The following MUSK variants were observed in gnomAD, a reference collection of about 807,000 sequenced individuals.
The protein encoded by MUSK is muscle associated receptor tyrosine kinase.
In MUSK, 55 loss-of-function variants were observed where a neutral mutation model predicts 88.7. The observed-to-expected ratio is 0.62, with a 90% CI of 0.50 to 0.78. MUSK has a LOEUF of 0.78. Ranked by LOEUF, MUSK falls within the 30% of genes least tolerant of loss-of-function variation. The pLI, the probability that MUSK is intolerant of heterozygous loss-of-function variation, is 0.00. For missense variants in MUSK, 1,015 were observed against 1,074.3 expected (o/e 0.94, Z 0.77); for synonymous variants, 387 against 391.9 (o/e 0.99, Z 0.15).
Position 110,680,159 on chromosome 9 carries a change from G to T in MUSK, c.80-2515G>T, listed in dbSNP as rs115653500. On this transcript the variant is annotated intron_variant, in intron 1 of 14. Transcript: ENST00000374448. The stretch of plus-strand genomic sequence containing the variant: ...TTTAAAATTATTACCTAAGCTAGCT[G>T]TGTAATTCTAAGCTAACAGTTATTT... Among the ~76,000 whole-genome samples the T allele has an allele frequency of 2.6e-5, 4 of 152,170 alleles. No homozygotes were observed. In the East Asian group the frequency reaches 7.7e-4, roughly 29 times the overall value.
Position 110,785,567 on chromosome 9 carries a change from C to CTCTT in MUSK, c.1628_1631dup (p.Leu544PhefsTer5), listed in dbSNP as rs1297439937. On this transcript the variant is annotated frameshift_variant, in exon 13 of 15. Coordinates refer to ENST00000374448, the MANE Select transcript of MUSK (RefSeq NM_005592.4). LOFTEE classifies it high-confidence loss of function. ...AACCCTCACCACACTGCCTTCTGAG[C>CTCTT]TCTTACTAGATAGACTTCATCCCAA... The CTCTT allele has an allele frequency of 6.2e-7, 1 of 1,612,754 alleles. No individual in the cohort carries two copies. Among genetic ancestry groups the CTCTT allele is most frequent in the East Asian group, 2.2e-5 (1 of 44,842 alleles).
intron 14 of MUSK, among the ~76,000 whole-genome samples, chr9:110,790,869 AATG>A (rs2077962129): frequency 6.6e-6 from 1 of 152,220 alleles, no homozygotes; most frequent in Admixed American, 6.5e-5. Context: ...TATTTATCCA[AATG>A]CTGCCAGCTG....
intron 4 of MUSK, among the ~76,000 whole-genome samples, 187 bp from the exon 5 acceptor site, chr9:110,697,138 G>A (rs569100965): frequency 1.3e-5 from 2 of 151,046 alleles, no homozygotes; most frequent in African/African-American, 4.8e-5. Context: ...CCCTGGTGAA[G>A]ATTAATTTAG....
chr9:110,768,567 C>T (rs2077521615), intron 9 of MUSK, among the ~76,000 whole-genome samples: 1 of 152,146 alleles, frequency 6.6e-6, no homozygotes, highest in Non-Finnish European at 1.5e-5. Context: ...ACCTAAAATA[C>T]AAGTACTTAG....
In MUSK at chr9:110,748,572, T is replaced by C. The variant is rs2077207879; in HGVS notation, c.913+772T>C. 2.0e-5 allele frequency among the ~76,000 whole-genome samples: 3 copies of C among 152,288 alleles called. No individual in the cohort carries two copies. In the South Asian group the frequency reaches 6.2e-4, roughly 32 times the overall value. ...AATTCCTAGAGATGGAAATAATCCCTGTATCAGGAAATGCCAGGCATATTA... is the reference window on the plus strand; with the variant it reads ...AATTCCTAGAGATGGAAATAATCCCCGTATCAGGAAATGCCAGGCATATTA... On this transcript the variant is annotated intron_variant, in intron 7 of 14. Coordinates refer to ENST00000374448, the MANE Select transcript of MUSK (RefSeq NM_005592.4).
chr9:110,681,461 G>A (rs1040872392), intron 1 of MUSK, among the ~76,000 whole-genome samples: 1 of 151,654 alleles, frequency 6.6e-6, no homozygotes, highest in Non-Finnish European at 1.5e-5. Context: ...TAATAATTGA[G>A]TGTGGGTCAA....
At chr9:110,688,271 G>T (rs776696228) in intron 3 of MUSK, among the ~76,000 whole-genome samples, 27 of 151,736 alleles carry the variant, frequency 1.8e-4, no homozygotes, top group Non-Finnish European at 3.5e-4. Flanking sequence ...ATTACCCTAA[G>T]AAATTTTAAC....
At chr9:110,685,742 G>T (rs1387614132) in intron 2 of MUSK, among the ~76,000 whole-genome samples, 1 of 152,108 alleles carries the variant, frequency 6.6e-6, no homozygotes, top group African/African-American at 2.4e-5. Context: ...TCTTTAAGAT[G>T]ATGTAGATTT....
chr9:110,784,071 T>C (rs1350980121), intron 11 of MUSK, among the ~76,000 whole-genome samples: 1 of 152,148 alleles, frequency 6.6e-6, no homozygotes, highest in Non-Finnish European at 1.5e-5. Flanking sequence ...GGAAGGTTTA[T>C]TCTCTATTTT....
chr9:110,765,609 T>A (rs1487150329), intron 8 of MUSK, among the ~76,000 whole-genome samples: 1 of 152,144 alleles, frequency 6.6e-6, no homozygotes, highest in Non-Finnish European at 1.5e-5. Flanking sequence ...AGTCTCGCTC[T>A]GTCACCCAGG....
intron 2 of MUSK, among the ~76,000 whole-genome samples, chr9:110,683,273 T>A (rs557442042): frequency 1.3e-4 from 20 of 152,090 alleles, no homozygotes; most frequent in Non-Finnish European, 2.6e-4. Flanking sequence ...AACATAATGA[T>A]CTCCAGTTCC....
chr9:110,786,586 A>C (rs1311166479), intron 13 of MUSK, among the ~76,000 whole-genome samples: 1 of 152,118 alleles, frequency 6.6e-6, no homozygotes, highest in African/African-American at 2.4e-5. Flanking sequence ...TTTTAATCAT[A>C]ATTTCTTACA....
At position 110,689,528 on chromosome 9, in the gene MUSK, TATATAA is replaced by T. The variant is rs1177596475; in HGVS notation, c.358+2266_358+2271del. 4.4e-3 allele frequency among the ~76,000 whole-genome samples: 352 copies of T among 80,400 alleles called. 5 individuals carry two copies. Among genetic ancestry groups the T allele is most frequent in the African/African-American group, 0.023 (337 of 14,584 alleles). The allele number at this position is 80,400 out of a possible 152,430, so 52.7% of individuals were successfully genotyped here. ...ATTTATATATAAATATATACAACTA[TATATAA>T]ATATATAGTTATATATATTTATATA... On this transcript the variant is annotated intron_variant, in intron 3 of 14. Coordinates refer to ENST00000374448, the MANE Select transcript of MUSK (RefSeq NM_005592.4).
At chr9:110,681,074 T>TAATA (rs1229349743) in intron 1 of MUSK, among the ~76,000 whole-genome samples, 513 of 32,592 alleles carry the variant, frequency 0.016, 81 homozygotes, top group African/African-American at 0.1. Flanking sequence ...TATAATATTA[T>TAATA]ATATATTATA....
intron 8 of MUSK, among the ~76,000 whole-genome samples, chr9:110,764,612 TAGA>T (rs2077449286): frequency 1.4e-5 from 1 of 72,150 alleles, no homozygotes; most frequent in African/African-American, 4.2e-5. Context: ...ATTAGATAGA[TAGA>T]TAGATAGATA....
intron 8 of MUSK, 64 bp downstream of exon 8, chr9:110,762,272 G>C: frequency 7.8e-7 from 1 of 1,288,240 alleles, no homozygotes; most frequent in Non-Finnish European, 1.0e-6. Context: ...TCGTTTGTTT[G>C]TTTTTGTCTG....
intron 14 of MUSK, among the ~76,000 whole-genome samples, chr9:110,788,287 C>T (rs1256708163): frequency 1.3e-5 from 2 of 151,946 alleles, no homozygotes; most frequent in Non-Finnish European, 2.9e-5. Flanking sequence ...ACAAATTTTA[C>T]AAATATTTAG....
Position 110,668,836 on chromosome 9 carries a change from G to T in MUSK, c.-69G>T, listed in dbSNP as rs376094463. The T allele has an allele frequency of 3.8e-5, 47 of 1,246,022 alleles. No homozygotes were observed. Among genetic ancestry groups the T allele is most frequent in the East Asian group, 3.7e-4 (16 of 43,004 alleles). The allele number at this position is 1,246,022 out of a possible 1,614,324, so 77.2% of individuals were successfully genotyped here. On this transcript the variant is annotated 5_prime_UTR_variant, in exon 1 of 15. An upstream start codon of the reference 5' UTR is lost. Transcript: ENST00000374448. ...TTTGCAACAAAGTATGCTTTAAAAT[G>T]TAAACTGTGGAGCCATTTTCCTTGC...
chr9:110,681,014 A>ATT (rs1491119330), intron 1 of MUSK, among the ~76,000 whole-genome samples: 16 of 30,956 alleles, frequency 5.2e-4, no homozygotes, highest in African/African-American at 1.6e-3. Flanking sequence ...TATTATATAT[A>ATT]ATATATATTA....
Sources: allele counts gnomAD v4.1 joint callset (sites outside exome capture counted in the v4.1 genomes callset), GRCh38; gene constraint gnomAD v4.1.1; transcripts MANE v1.5; gene names NCBI Gene and HGNC (gene_info 2026-07-23, HGNC 2026-07-21).